ATP10B: variants seen among roughly 807,000 people sequenced by gnomAD.
ATP10B encodes phospholipid-transporting ATPase VB.
ATP10B carries 122 observed loss-of-function variants against 141.2 expected under a neutral mutation model. The observed-to-expected ratio is 0.86, with a 90% confidence interval of 0.75 to 1.00. The LOEUF (loss-of-function observed/expected upper bound fraction) is 1.00, where lower values mean the gene tolerates loss of function less well. Ranked by LOEUF, ATP10B falls within the 50% of genes least tolerant of loss-of-function variation. The probability of loss-of-function intolerance (pLI) is 0.00; values close to 1 mark genes in which losing one functional copy is unlikely to be tolerated. For synonymous variants in ATP10B, 685 were observed against 692.0 expected (o/e 0.99, Z 0.16); for missense variants, 1,876 against 1,825.3 (o/e 1.03, Z -0.51).
intron 7 of ATP10B, among the ~76,000 whole-genome samples, chr5:160,653,002 AT>A (rs1274374533): frequency 9.5e-5 from 10 of 105,382 alleles, no homozygotes; most frequent in African/African-American, 3.9e-4. Context: ...ATATTTATAT[AT>A]TATATATATT....
intron 3 of ATP10B, among the ~76,000 whole-genome samples, chr5:160,704,488 T>G (rs1240138142): frequency 6.6e-6 from 1 of 152,212 alleles, no homozygotes; most frequent in Non-Finnish European, 1.5e-5. Flanking sequence ...TGTCCTAATT[T>G]ACAGAACACA....
chr5:160,704,914 CTTTT>C lies in ATP10B; in HGVS notation c.-205+11991_-205+11994del, dbSNP rs1170629163. ...TGCTAGCTTCCAACATTTCTTTCATCTTTTTTTTTTTTTTTTTTTTTGTTGAGAC... is the reference window on the plus strand; with the variant it reads ...TGCTAGCTTCCAACATTTCTTTCATCTTTTTTTTTTTTTTTTTGTTGAGAC... On this transcript the variant is annotated intron_variant, in intron 3 of 25. Coordinates refer to ENST00000327245, the MANE Select transcript of ATP10B (RefSeq NM_025153.3). Among the ~76,000 whole-genome samples the C allele has an allele frequency of 3.3e-4, 28 of 83,638 alleles. 2 individuals carry two copies. Among genetic ancestry groups the C allele is most frequent in the African/African-American group, 5.2e-4 (9 of 17,232 alleles). 54.9% of individuals were successfully genotyped at this position (83,638 alleles called of 152,430 possible). A position where few individuals can be genotyped will look rare whatever the true frequency, so the allele number is the denominator to read the frequency against.
the ATP10B span, among the ~76,000 whole-genome samples, chr5:160,912,722 A>AAG: frequency 2.6e-5 from 4 of 152,092 alleles, no homozygotes; most frequent in East Asian, 1.9e-4. Flanking sequence ...GAAGAAAGAA[A>AAG]AGAGAGAGAG....
chr5:160,822,989 C>CATAT (rs773879988), intron 1 of ATP10B, among the ~76,000 whole-genome samples: 1,946 of 69,200 alleles, frequency 0.028, 107 homozygotes, highest in Non-Finnish European at 0.035. Context: ...ATTACATATA[C>CATAT]ATATATATAT....
intron 1 of ATP10B, among the ~76,000 whole-genome samples, chr5:160,813,579 G>T (rs980361151): frequency 2.0e-5 from 3 of 152,176 alleles, no homozygotes; most frequent in Admixed American, 1.3e-4. Context: ...CAAACAAAAG[G>T]CAGCAGAATC....
intron 2 of ATP10B, among the ~76,000 whole-genome samples, chr5:160,776,964 T>G (rs1374574138): frequency 6.6e-6 from 1 of 152,112 alleles, no homozygotes; most frequent in Admixed American, 6.5e-5. Context: ...AGGTTGACAC[T>G]TTTGGGGAGC....
the ATP10B span, among the ~76,000 whole-genome samples, chr5:160,914,349 C>T: frequency 0.034 from 5,113 of 152,208 alleles, 300 homozygotes; most frequent in African/African-American, 0.12. Context: ...ATAGTCATCC[C>T]TCATCATCCA....
intron 1 of ATP10B, among the ~76,000 whole-genome samples, chr5:160,798,167 G>T (rs10055034): frequency 0.44 from 66,824 of 151,652 alleles, 14,815 homozygotes; most frequent in East Asian, 0.6. Context: ...AGTTCAAAGG[G>T]ACTAAGGTGG....
At chr5:160,606,735 G>C in intron 19 of ATP10B, 30 bp downstream of exon 19, 1 of 1,593,988 alleles carries the variant, frequency 6.3e-7, no homozygotes, top group Admixed American at 1.7e-5. Context: ...CCCTGCCAAA[G>C]TGCCACCCGC....
chr5:160,584,068 C>A (rs1282878302), intron 24 of ATP10B, among the ~76,000 whole-genome samples: 2 of 151,806 alleles, frequency 1.3e-5, no homozygotes, highest in Non-Finnish European at 2.9e-5. Flanking sequence ...CCAGGCACCA[C>A]TGGGGTATGG....
rs115503953 is a variant in ATP10B at position 160,836,594 on chromosome 5, T to C, written c.-576+15347A>G. On this transcript the variant is annotated intron_variant, in intron 1 of 25. Coordinates refer to ENST00000327245, the MANE Select transcript of ATP10B (RefSeq NM_025153.3). ...ATTCTCTTCATTGCTTACTGAATAA[T>C]ACCCTCGGTGAACTACTTGCAAACT... Among the ~76,000 whole-genome samples, 917 of 152,254 alleles carry C rather than the reference T, an allele frequency of 6.0e-3. 13 individuals are homozygous for C. The highest frequency in any genetic ancestry group is 0.021 in the African/African-American group (873 of 41,576).
At chr5:160,821,711 A>G (rs1774120614) in intron 1 of ATP10B, among the ~76,000 whole-genome samples, 2 of 152,122 alleles carry the variant, frequency 1.3e-5, no homozygotes. Flanking sequence ...CCGTACATCT[A>G]TAGTGAACTA....
Position 160,620,424 on chromosome 5 carries a change from G to A in ATP10B, c.2339C>T (p.Pro780Leu), listed in dbSNP as rs1450768903. 2 of 1,614,218 alleles carry A rather than the reference G, an allele frequency of 1.2e-6. No homozygotes were observed. The highest frequency in any genetic ancestry group is 2.7e-5 in the African/African-American group (2 of 75,064). Residue 780 changes from proline (P) to leucine (L), a missense_variant, in exon 15 of 26, where the codon CCA becomes CTA. Pro to Leu is a moderately conservative substitution (Grantham distance 98). Coordinates refer to ENST00000327245, the MANE Select transcript of ATP10B (RefSeq NM_025153.3). ...RKRMSVVVRH[P>L]LTGEIVVYTK... is the part of the protein sequence containing the mutation. ...GTAGACAACAATCTCGCCAGTCAGT[G>A]GGTGCCTCACAACCACAGACATTCT...
intron 24 of ATP10B, among the ~76,000 whole-genome samples, chr5:160,583,632 A>AC (rs1216336473): frequency 6.6e-6 from 1 of 152,078 alleles, no homozygotes; most frequent in Non-Finnish European, 1.5e-5. Context: ...GCCTACAGCC[A>AC]CCCCTACCCC....
chr5:160,763,639 T>C (rs66463535), intron 2 of ATP10B, among the ~76,000 whole-genome samples: 36,765 of 151,920 alleles, frequency 0.24, 4,739 homozygotes, highest in Non-Finnish European at 0.28. Flanking sequence ...AATCTAGGGT[T>C]ACACCTCAGG....
chr5:160,846,918 A>AT (rs1776159296), intron 1 of ATP10B, among the ~76,000 whole-genome samples: 1 of 152,178 alleles, frequency 6.6e-6, no homozygotes, highest in African/African-American at 2.4e-5. Flanking sequence ...TATCTCAGAG[A>AT]TTTATTGAGG....
At chr5:160,764,392 C>G (rs1769258832) in intron 2 of ATP10B, among the ~76,000 whole-genome samples, 1 of 152,070 alleles carries the variant, frequency 6.6e-6, no homozygotes, top group Admixed American at 6.5e-5. Flanking sequence ...ACCAGGGACG[C>G]AGGGCTGGTT....
intron 1 of ATP10B, among the ~76,000 whole-genome samples, chr5:160,850,076 T>C (rs1198482757): frequency 6.6e-6 from 1 of 152,098 alleles, no homozygotes; most frequent in Non-Finnish European, 1.5e-5. Flanking sequence ...CATTCCCTTC[T>C]GACATGGCAG....
At chr5:160,823,829 G>A (rs913298900) in intron 1 of ATP10B, among the ~76,000 whole-genome samples, 23 of 151,932 alleles carry the variant, frequency 1.5e-4, no homozygotes, top group Non-Finnish European at 2.1e-4. Context: ...GTGAGACTCC[G>A]TCTCCAAAAA....
Sources: gnomAD v4.1 joint callset for allele counts (sites outside exome capture counted in the v4.1 genomes callset) on GRCh38, gnomAD v4.1.1 for gene constraint, MANE v1.5 for transcripts, NCBI Gene and HGNC (gene_info 2026-07-23, HGNC 2026-07-21) for gene names.